Variants in CHD2 observed in about 807,000 individuals in gnomAD.
CHD2 encodes ATP-dependent chromatin remodeler CHD2.
CHD2 carries 28 observed loss-of-function variants against 243.9 expected under a neutral mutation model. That is an observed-to-expected ratio of 0.11 (90% CI 0.09 to 0.16). CHD2 has a LOEUF of 0.16. Ranked by LOEUF, CHD2 falls within the 10% of genes least tolerant of loss-of-function variation. The pLI, the probability that CHD2 is intolerant of heterozygous loss-of-function variation, is 1.00. For synonymous variants in CHD2, 775 were observed against 779.0 expected (o/e 0.99, Z 0.09); for missense variants, 1,386 against 2,209.8 (o/e 0.63, Z 7.47).
chr15:92,943,273 TA>T, intron 9 of CHD2: 1 of 554,256 alleles, frequency 1.8e-6, no homozygotes, highest in Non-Finnish European at 3.2e-6. Flanking sequence ...TTTTTGGAGT[TA>T]ACTAGCTTAT....
At chr15:92,949,474 A>G (rs1266256302) in intron 13 of CHD2, among the ~76,000 whole-genome samples, 1 of 152,196 alleles carries the variant, frequency 6.6e-6, no homozygotes, top group Non-Finnish European at 1.5e-5. Context: ...AAGCCTTTAA[A>G]TTAATTTCCT....
In CHD2 at chr15:92,941,872, TGACTG is replaced by T; in HGVS notation, c.746_750del (p.Thr249ArgfsTer4). ...ACTGACTCAGATGATCTCATTGAAA[TGACTG>T]GAGAAGGAGTTGATGAACAGCAAGA... On this transcript the variant is annotated frameshift_variant, in exon 8 of 39. Transcript: ENST00000394196. LOFTEE classifies it high-confidence loss of function. 6.2e-7 allele frequency: 1 copy of T among 1,613,360 alleles called. No homozygotes were observed. The highest frequency in any genetic ancestry group is 1.7e-5 in the Admixed American group (1 of 59,962).
rs1230039615 is a variant in CHD2, at chr15:93,004,720, A to G, written c.4382A>G (p.Asp1461Gly). The G allele has an allele frequency of 6.2e-7, 1 of 1,613,512 alleles. No individual in the cohort carries two copies. Among genetic ancestry groups the G allele is most frequent in the African/African-American group, 1.3e-5 (1 of 74,916 alleles). ...SEPVPIGEDE[D>G]DDLDQETFSI... ...CCTGTCCCCATTGGAGAGGATGAGGATGATGATCTGGACCAGGAGACATTC... is the reference window on the plus strand; with the variant it reads ...CCTGTCCCCATTGGAGAGGATGAGGGTGATGATCTGGACCAGGAGACATTC... The change falls in exon 34 of 39, where the codon GAT becomes GGT. Residue 1461 changes from aspartate to glycine, a missense_variant. By Grantham distance (94) the Asp-to-Gly change is moderately conservative. Around this residue, in one of 19 missense-constraint regions of CHD2, gnomAD observed 22 missense variants for 60.2 expected, o/e 0.37. Transcript: ENST00000394196.
At chr15:92,991,185 G>T (rs1031487256) in intron 26 of CHD2, among the ~76,000 whole-genome samples, 1 of 152,178 alleles carries the variant, frequency 6.6e-6, no homozygotes, top group Non-Finnish European at 1.5e-5. Context: ...TTCTAAAAAG[G>T]ATATTAGAGC....
At chr15:93,011,660 C>G (rs1008410405) in intron 35 of CHD2, among the ~76,000 whole-genome samples, 1 of 152,162 alleles carries the variant, frequency 6.6e-6, no homozygotes, top group Non-Finnish European at 1.5e-5. Flanking sequence ...TTATCTGGCT[C>G]ACTCTGACTA....
At chr15:93,003,090 C>T (rs932553715) in intron 33 of CHD2, among the ~76,000 whole-genome samples, 23 of 132,098 alleles carry the variant, frequency 1.7e-4, no homozygotes, top group Non-Finnish European at 2.1e-4. Flanking sequence ...ACAGCCTTGG[C>T]AACGTAGGGA....
chr15:92,988,355 G>A (rs2054072162), intron 26 of CHD2, among the ~76,000 whole-genome samples: 1 of 152,200 alleles, frequency 6.6e-6, no homozygotes, highest in African/African-American at 2.4e-5. Context: ...AAAGGGCTGG[G>A]ATTAGAAGCG....
At chr15:93,022,917 A>G (rs1360112434) in intron 38 of CHD2, among the ~76,000 whole-genome samples, 2 of 152,148 alleles carry the variant, frequency 1.3e-5, no homozygotes, top group East Asian at 1.9e-4. Context: ...TGTTCTATGC[A>G]TTTTGTCCCT....
chr15:92,941,668 A>G (rs1218084893), intron 7 of CHD2, among the ~76,000 whole-genome samples, 154 bp from the exon 8 acceptor site: 1 of 152,246 alleles, frequency 6.6e-6, no homozygotes, highest in African/African-American at 2.4e-5. Flanking sequence ...AGGAAAAAAA[A>G]GTAAGCTTTG....
At chr15:93,012,103 G>T (rs1567163608) in intron 35 of CHD2, among the ~76,000 whole-genome samples, 1 of 152,002 alleles carries the variant, frequency 6.6e-6, no homozygotes, top group Non-Finnish European at 1.5e-5. Context: ...TTATAACATT[G>T]ATGAGAAAAA....
intron 6 of CHD2, among the ~76,000 whole-genome samples, chr15:92,937,898 A>G (rs1189089896): frequency 1.3e-5 from 2 of 152,204 alleles, no homozygotes; most frequent in Non-Finnish European, 2.9e-5. Flanking sequence ...TGGGAGAACA[A>G]ATTGTTTAAA....
At chr15:92,939,035 A>G (rs1036762034) in intron 6 of CHD2, among the ~76,000 whole-genome samples, 1 of 138,882 alleles carries the variant, frequency 7.2e-6, no homozygotes, top group African/African-American at 2.5e-5. Flanking sequence ...TCGTATTAGT[A>G]TACAAAAAAC....
intron 2 of CHD2, chr15:92,904,968 C>A: frequency 6.5e-7 from 1 of 1,535,918 alleles, no homozygotes; most frequent in Non-Finnish European, 8.7e-7. Context: ...TACTTGGTAC[C>A]GTACATTTTC....
At chr15:93,015,989 G>A (rs913520717) in intron 37 of CHD2, among the ~76,000 whole-genome samples, 2 of 152,210 alleles carry the variant, frequency 1.3e-5, no homozygotes, top group African/African-American at 4.8e-5. Context: ...ATATGATGCA[G>A]CAGTCCCTTT....
Position 92,967,376 on chromosome 15 carries a change from T to C in CHD2, c.2052T>C (p.Asn684=). ...FEEDHGKGRE[N]GYQSLHKVLE... is the part of the protein sequence containing the mutation. The stretch of plus-strand genomic sequence containing the variant: ...AAGACCATGGGAAGGGGAGAGAAAA[T>C]GGCTACCAGAGTCTTCATAAGGTGC... The change falls in exon 17 of 39, where the codon AAT becomes AAC. Residue 684 remains asparagine (N), a synonymous_variant. Coordinates refer to ENST00000394196, the MANE Select transcript of CHD2 (RefSeq NM_001271.4). 6.2e-7 allele frequency: 1 copy of C among 1,612,880 alleles called. No homozygotes were observed. The highest frequency in any genetic ancestry group is 8.5e-7 in the Non-Finnish European group (1 of 1,179,176).
intron 3 of CHD2, among the ~76,000 whole-genome samples, chr15:92,925,897 C>G (rs991673692): frequency 6.6e-6 from 1 of 152,166 alleles, no homozygotes; most frequent in African/African-American, 2.4e-5. Flanking sequence ...CTTCAGCTTA[C>G]TTCATCATTT....
intron 16 of CHD2, among the ~76,000 whole-genome samples, chr15:92,965,715 T>C (rs1319071307): frequency 6.6e-6 from 1 of 152,086 alleles, no homozygotes; most frequent in Non-Finnish European, 1.5e-5. Context: ...AAATAAATGA[T>C]ACTTATATCT....
intron 2 of CHD2, among the ~76,000 whole-genome samples, chr15:92,910,601 G>A (rs559921984): frequency 8.0e-4 from 122 of 152,104 alleles, no homozygotes; most frequent in Middle Eastern, 3.4e-3. Flanking sequence ...TCACCATGTC[G>A]GTCAGGCTGG....
chr15:93,024,634 A>T lies in CHD2; in HGVS notation c.5416A>T (p.Arg1806Trp), dbSNP rs12906163. 1.9e-6 allele frequency: 3 copies of T among 1,614,042 alleles called. No homozygotes were observed. Among genetic ancestry groups the T allele is most frequent in the Non-Finnish European group, 2.5e-6 (3 of 1,179,972 alleles). Residue 1806 changes from arginine (R) to tryptophan (W), a missense_variant, in exon 39 of 39, where the codon AGG becomes TGG. Transcript: ENST00000394196. ...CGATTCCAAGTCACCCCTGGATCAT[A>T]GGTCTCCTTTGGAGAGATCACTAGA... ...PHDSKSPLDH[R>W]SPLERSLEQK...
Sources: allele counts gnomAD v4.1 joint callset (sites outside exome capture counted in the v4.1 genomes callset), GRCh38; gene constraint gnomAD v4.1.1; regional missense constraint gnomAD v4.1.1; transcripts MANE v1.5; gene names NCBI Gene and HGNC (gene_info 2026-07-23, HGNC 2026-07-21).